The following GPR137B variants were observed in gnomAD, a reference collection of about 807,000 sequenced individuals.
GPR137B encodes the protein integral membrane protein GPR137B.
A neutral mutation model predicts 42.5 loss-of-function variants in GPR137B; 42 were observed. That is an observed-to-expected ratio of 0.99 (90% CI 0.77 to 1.28). The LOEUF (loss-of-function observed/expected upper bound fraction) is 1.28, where lower values mean the gene tolerates loss of function less well. Ranked by LOEUF, GPR137B falls within the 50% of genes most tolerant of loss-of-function variation. GPR137B has a pLI of 0.00. For missense variants in GPR137B, 487 were observed against 493.9 expected, an observed-to-expected ratio of 0.99 and a Z score of 0.13; for synonymous variants, 218 against 209.7, an observed-to-expected ratio of 1.04 and a Z score of -0.34.
At chr1:236,187,485 T>C (rs1177061783) in intron 5 of GPR137B, among the ~76,000 whole-genome samples, 1 of 152,202 alleles carries the variant, frequency 6.6e-6, no homozygotes, top group Non-Finnish European at 1.5e-5. Context: ...AAGTCTTTAA[T>C]CCATCTTGAG....
At position 236,160,632 on chromosome 1, in the gene GPR137B, CTTTTGGAAAGCAG is replaced by C. The variant is rs976193572; in HGVS notation, c.415-8070_415-8058del. ...CTTTCTTGCATTTCACAAACATGCG[CTTTTGGAAAGCAG>C]TTTATGCTCTTGAATTGACTCACTG... On this transcript the variant is annotated intron_variant, in intron 1 of 6. Coordinates refer to ENST00000366592, the MANE Select transcript of GPR137B (RefSeq NM_003272.4). Among the ~76,000 whole-genome samples the C allele has an allele frequency of 8.5e-5, 13 of 152,326 alleles. No homozygotes were observed. The East Asian group carries it at 2.3e-3, about 27-fold the overall frequency.
chr1:236,205,072 C>T (rs1023936164), intron 5 of GPR137B, 54 bp from the exon 6 acceptor site: 7 of 1,484,756 alleles, frequency 4.7e-6, no homozygotes, highest in African/African-American at 4.3e-5. Context: ...TTATTTTTGT[C>T]TGGTGCAAGG....
At chr1:236,148,672 C>T (rs1247135527) in intron 1 of GPR137B, among the ~76,000 whole-genome samples, 1 of 152,190 alleles carries the variant, frequency 6.6e-6, no homozygotes, top group African/African-American at 2.4e-5. Context: ...CCACACCCTC[C>T]ACTCAGCTGC....
chr1:236,149,324 C>G (rs187376703), intron 1 of GPR137B, among the ~76,000 whole-genome samples: 1 of 152,268 alleles, frequency 6.6e-6, no homozygotes, highest in East Asian at 1.9e-4. Flanking sequence ...GCAGATGAGC[C>G]GACCAGAGGA....
chr1:236,147,273 G>A (rs570445470), intron 1 of GPR137B, among the ~76,000 whole-genome samples: 6 of 152,184 alleles, frequency 3.9e-5, no homozygotes, highest in African/African-American at 9.7e-5. Context: ...ACACTCTCTC[G>A]TGACTGCCAG....
chr1:236,165,767 G>T (rs1465535065), intron 1 of GPR137B, among the ~76,000 whole-genome samples: 2 of 152,146 alleles, frequency 1.3e-5, no homozygotes, highest in South Asian at 2.1e-4. Context: ...CCTTTGAAAG[G>T]CTCTGACAAT....
intron 5 of GPR137B, among the ~76,000 whole-genome samples, chr1:236,194,135 C>G (rs1048892542): frequency 8.5e-5 from 13 of 152,138 alleles, no homozygotes; most frequent in Non-Finnish European, 1.3e-4. Context: ...CTCAGTCAGC[C>G]ATGCGATCAT....
rs1663726752 is a variant in GPR137B, at chr1:236,208,321, T to G, written c.*163T>G. On this transcript the variant is annotated 3_prime_UTR_variant, in exon 7 of 7. Coordinates refer to ENST00000366592, the MANE Select transcript of GPR137B (RefSeq NM_003272.4). ...AGGAATAAGCAATAATGTAGACTGA[T>G]AAACCCTTATTTTAGTACTAAAGAG... 7.2e-7 allele frequency: 1 copy of G among 1,384,534 alleles called. No individual in the cohort carries two copies. The highest frequency in any genetic ancestry group is 1.9e-5 in the South Asian group (1 of 52,832). The allele number at this position is 1,384,534 out of a possible 1,614,324, so 85.8% of individuals were successfully genotyped here. A position where few individuals can be genotyped will look rare whatever the true frequency, so the allele number is the denominator to read the frequency against.
intron 5 of GPR137B, among the ~76,000 whole-genome samples, chr1:236,184,562 T>C (rs145276945): frequency 2.6e-4 from 40 of 152,238 alleles, no homozygotes; most frequent in African/African-American, 9.4e-4. Context: ...CATAGAAAAG[T>C]ACAGTGAGTG....
Position 236,168,701 on chromosome 1 carries a change from T to A in GPR137B, c.415-5T>A. ...CCAACCTGCCATGCTTTTCTGTCGTTGCAGGTGATTTTCAAAGCCAAGTCA... is the reference window on the plus strand; with the variant it reads ...CCAACCTGCCATGCTTTTCTGTCGTAGCAGGTGATTTTCAAAGCCAAGTCA... On this transcript the variant is annotated splice_region_variant and splice_polypyrimidine_tract_variant and intron_variant, in intron 1 of 6. Coordinates refer to ENST00000366592, the MANE Select transcript of GPR137B (RefSeq NM_003272.4). 1 of 1,610,796 alleles carries A rather than the reference T, an allele frequency of 6.2e-7. No individual in the cohort carries two copies. The highest frequency in any genetic ancestry group is 8.5e-7 in the Non-Finnish European group (1 of 1,176,912).
Position 236,150,004 on chromosome 1 carries a change from T to A in GPR137B, c.414+6968T>A, listed in dbSNP as rs1661802189. Among the ~76,000 whole-genome samples the A allele has an allele frequency of 6.6e-6, 1 of 151,150 alleles. No homozygotes were observed. Among genetic ancestry groups the A allele is most frequent in the Admixed American group, 6.6e-5 (1 of 15,186 alleles). On this transcript the variant is annotated intron_variant, in intron 1 of 6. Transcript: ENST00000366592. The surrounding 1 kb of genome is among the most constrained non-coding windows in gnomAD (Gnocchi z 6.2). Reference sequence around the variant, plus strand: ...TGTGTGGGGTTTGTGTATGTGTGCCTGTGTGTGTGCCTGTGTGTGTACCTG... The same window carrying A: ...TGTGTGGGGTTTGTGTATGTGTGCCAGTGTGTGTGCCTGTGTGTGTACCTG...
chr1:236,200,226 T>A (rs1663454339), intron 5 of GPR137B, among the ~76,000 whole-genome samples: 2 of 152,058 alleles, frequency 1.3e-5, no homozygotes. Context: ...CTTGATATAA[T>A]CTCAATTTTC....
intron 1 of GPR137B, among the ~76,000 whole-genome samples, 182 bp downstream of exon 1, chr1:236,143,218 A>C (rs1009061444): frequency 6.6e-6 from 1 of 152,176 alleles, no homozygotes; most frequent in African/African-American, 2.4e-5. Context: ...TGTCATAGGA[A>C]ACCCCCTGCC....
intron 1 of GPR137B, among the ~76,000 whole-genome samples, chr1:236,164,886 AAG>A (rs10581092): frequency 0.48 from 69,009 of 143,312 alleles, 16,612 homozygotes; most frequent in East Asian, 0.62. Flanking sequence ...AGATGAATTC[AAG>A]AGAGAGAGAG....
At position 236,142,737 on chromosome 1, in the gene GPR137B, C is replaced by A. The variant is rs192593903; in HGVS notation, c.115C>A (p.Pro39Thr). The change falls in exon 1 of 7, where the codon CCC (proline) becomes ACC (threonine). Residue 39 changes from proline to threonine, a missense_variant. Pro to Thr is a conservative substitution (Grantham distance 38, BLOSUM62 -1). Transcript: ENST00000366592. ...GCCCACGCTGACCCCGGCCGTGCCC[C>A]CCTACGTGAAGCTTGGCCTCACCGT... ...LPPTLTPAVP[P>T]YVKLGLTVVY... 3 of 1,607,890 alleles carry A rather than the reference C, an allele frequency of 1.9e-6. No individual in the cohort carries two copies. Among genetic ancestry groups the A allele is most frequent in the East Asian group, 2.2e-5 (1 of 44,568 alleles).
At chr1:236,153,432 A>G (rs1661930036) in intron 1 of GPR137B, among the ~76,000 whole-genome samples, 2 of 152,246 alleles carry the variant, frequency 1.3e-5, no homozygotes, top group Admixed American at 6.5e-5. Context: ...GGTTCATCAC[A>G]TTGTAACATT....
At position 236,177,459 on chromosome 1, in the gene GPR137B, G is replaced by T. The variant is rs16833409; in HGVS notation, c.465-955G>T. ...AGATTTTACACAGGTCACTTAGGAA[G>T]TGTGTAGCTCTGAGAAACTACAGGT... is the stretch of plus-strand genomic sequence containing the variant. On this transcript the variant is annotated intron_variant, in intron 2 of 6. Coordinates refer to ENST00000366592, the MANE Select transcript of GPR137B (RefSeq NM_003272.4). Among the ~76,000 whole-genome samples, 714 of 152,292 alleles carry T rather than the reference G, an allele frequency of 4.7e-3. 5 individuals carry two copies. The highest frequency in any genetic ancestry group is 0.015 in the African/African-American group (640 of 41,556).
At chr1:236,191,656 CT>C (rs1663196049) in intron 5 of GPR137B, among the ~76,000 whole-genome samples, 1 of 152,198 alleles carries the variant, frequency 6.6e-6, no homozygotes, top group Non-Finnish European at 1.5e-5. Context: ...CCAGCGGAGG[CT>C]GCAGAACAGC....
intron 5 of GPR137B, among the ~76,000 whole-genome samples, chr1:236,188,070 G>GT (rs1213627687): frequency 1.3e-5 from 2 of 152,060 alleles, no homozygotes; most frequent in Admixed American, 6.5e-5. Flanking sequence ...GTATTCCTAG[G>GT]TATTTTCTTC....
Sources: allele counts gnomAD v4.1 joint callset (sites outside exome capture counted in the v4.1 genomes callset), GRCh38; gene constraint gnomAD v4.1.1; non-coding constraint Gnocchi (gnomAD v3.1); transcripts MANE v1.5; gene names NCBI Gene and HGNC (gene_info 2026-07-23, HGNC 2026-07-21).